ERN2: variants seen among roughly 807,000 people sequenced by gnomAD.
ERN2 encodes serine/threonine-protein kinase/endoribonuclease IRE2.
A neutral mutation model predicts 107.9 loss-of-function variants in ERN2; 111 were observed. The ratio of observed to expected loss-of-function variants is 1.03; its 90% CI spans 0.88 to 1.20. The LOEUF is 1.20. Among genes scored for constraint, ERN2 ranks in the 50% most tolerant of loss-of-function variants. The probability of loss-of-function intolerance (pLI) is 0.00; values close to 1 mark genes in which losing one functional copy is unlikely to be tolerated. For missense variants in ERN2, 1,225 were observed against 1,197.9 expected (o/e 1.02, Z -0.33); for synonymous variants, 524 against 501.7 (o/e 1.04, Z -0.59).
At chr16:23,706,155 G>T (rs533786105) in intron 7 of ERN2, 175 bp downstream of exon 7, 1 of 557,158 alleles carries the variant, frequency 1.8e-6, no homozygotes, top group Admixed American at 3.5e-5. Context: ...GGTCAGTCTG[G>T]GTGTTGAGGG....
intron 11 of ERN2, 78 bp from the exon 12 acceptor site, chr16:23,701,192 G>C: frequency 2.0e-6 from 3 of 1,488,292 alleles, no homozygotes; most frequent in Non-Finnish European, 1.8e-6. Context: ...ACCCAGCACA[G>C]AGCTGGGCTT....
Position 23,710,223 on chromosome 16 carries a change from T to C in ERN2, c.255A>G (p.Pro85=). Residue 85 remains proline, a synonymous_variant, in exon 4 of 22, where the codon CCA becomes CCG. Transcript: ENST00000256797. ...CCAAGATGTACAGGCTGCCATCTGCTGGGTCAGAGAGAAAGGCCATTCTGT... is the reference window on the plus strand; with the variant it reads ...CCAAGATGTACAGGCTGCCATCTGCCGGGTCAGAGAGAAAGGCCATTCTGT... ...YVTEMAFLSD[P]ADGSLYILGT... 2 of 1,614,032 alleles carry C rather than the reference T, an allele frequency of 1.2e-6. No homozygotes were observed. The highest frequency in any genetic ancestry group is 8.5e-7 in the Non-Finnish European group (1 of 1,179,884).
intron 1 of ERN2, among the ~76,000 whole-genome samples, chr16:23,711,469 A>G (rs1249933083): frequency 5.3e-5 from 8 of 152,078 alleles, no homozygotes; most frequent in Non-Finnish European, 7.4e-5. Flanking sequence ...TGATCCTCAC[A>G]CCTCAGCCTC....
chr16:23,694,099 G>A (rs971916884), intron 17 of ERN2, among the ~76,000 whole-genome samples: 1 of 152,074 alleles, frequency 6.6e-6, no homozygotes, highest in Admixed American at 6.6e-5. Context: ...AGGCTCAAGC[G>A]ATCCTCCCAC....
In ERN2 at chr16:23,692,299, G is replaced by A. The variant is rs201663878; in HGVS notation, c.2133C>T (p.Cys711=). The A allele has an allele frequency of 8.7e-6, 14 of 1,613,832 alleles. No homozygotes were observed. The South Asian group carries it at 8.8e-5, about 10-fold the overall frequency. ...TSAVDIFSAG[C]VFYYVLSGGS... The stretch of plus-strand genomic sequence containing the variant: ...CACCAGAAAGCACGTAGTAGAACAC[G>A]CAGCCTGCAGAGAAGATGTCCACAG... Residue 711 remains cysteine (C), a synonymous_variant, in exon 18 of 22, where the codon TGC becomes TGT. Coordinates refer to ENST00000256797, the MANE Select transcript of ERN2 (RefSeq NM_033266.4).
Position 23,694,773 on chromosome 16 carries a change from G to A in ERN2, c.2055C>T (p.Gly685=), listed in dbSNP as rs1234609494. ...GCTGCAGAAGCTCGGGCGCCATCCA[G>A]CCTTCCGTGCCGGGGATGCCGGAGT... ...SLHSGIPGTE[G]WMAPELLQLL... Residue 685 remains glycine, a synonymous_variant, in exon 17 of 22, where the codon GGC becomes GGT. Coordinates refer to ENST00000256797, the MANE Select transcript of ERN2 (RefSeq NM_033266.4). The A allele has an allele frequency of 2.5e-6, 4 of 1,612,242 alleles. No homozygotes were observed. Among genetic ancestry groups the A allele is most frequent in the African/African-American group, 1.3e-5 (1 of 74,934 alleles).
chr16:23,696,048 C>T, intron 13 of ERN2, 70 bp from the exon 14 acceptor site: 1 of 1,162,358 alleles, frequency 8.6e-7, no homozygotes, highest in Non-Finnish European at 1.3e-6. Context: ...CCAGTCCAGA[C>T]TCACCTTGAC....
At position 23,696,077 on chromosome 16, in the gene ERN2, C is replaced by T. The variant is rs988469338; in HGVS notation, c.1526-99G>A. 4.8e-6 allele frequency: 4 copies of T among 836,890 alleles called. No homozygotes were observed. In the African/African-American group the frequency reaches 6.7e-5, roughly 14 times the overall value. 51.8% of individuals were successfully genotyped at this position (836,890 alleles called of 1,614,324 possible). A position where few individuals can be genotyped will look rare whatever the true frequency, so the allele number is the denominator to read the frequency against. On this transcript the variant is annotated intron_variant, in intron 13 of 21. Transcript: ENST00000256797. Reference sequence around the variant, plus strand: ...CCTTGACATTTTCTGGGCCTCCACCCTCCCATGCTCAGCCTGGTGCAGTGG... The same window carrying T: ...CCTTGACATTTTCTGGGCCTCCACCTTCCCATGCTCAGCCTGGTGCAGTGG...
intron 1 of ERN2, among the ~76,000 whole-genome samples, chr16:23,711,264 T>TA (rs1960531696): frequency 6.6e-6 from 1 of 152,196 alleles, no homozygotes; most frequent in African/African-American, 2.4e-5. Context: ...CCCAATTACT[T>TA]ACCTCCTTCC....
chr16:23,693,417 C>A (rs1333303501), intron 17 of ERN2, among the ~76,000 whole-genome samples: 4 of 151,738 alleles, frequency 2.6e-5, no homozygotes, highest in Non-Finnish European at 4.4e-5. Context: ...GCATAAACCC[C>A]ATCTCTACTA....
At chr16:23,700,801 G>A (rs1960030547) in intron 12 of ERN2, 97 bp from the exon 13 acceptor site, 1 of 1,489,960 alleles carries the variant, frequency 6.7e-7, no homozygotes, top group African/African-American at 1.4e-5. Flanking sequence ...CAGACTGCAT[G>A]AACTTACAGA....
At chr16:23,708,599 C>G (rs997400036) in intron 4 of ERN2, among the ~76,000 whole-genome samples, 7 of 152,110 alleles carry the variant, frequency 4.6e-5, no homozygotes, top group Non-Finnish European at 8.8e-5. Context: ...CTCAGGTGAT[C>G]TGCCTACCTC....
chr16:23,711,035 A>G lies in ERN2; in HGVS notation c.94-17T>C. 1 of 1,584,992 alleles carries G rather than the reference A, an allele frequency of 6.3e-7. No individual in the cohort carries two copies. On this transcript the variant is annotated splice_polypyrimidine_tract_variant and intron_variant, in intron 1 of 21. Coordinates refer to ENST00000256797, the MANE Select transcript of ERN2 (RefSeq NM_033266.4). ...AGTATGAACCTGCAAGGGGGTAGAG[A>G]CAAAGTCAGCTCTCTGAGGGGTCTG...
In ERN2 at chr16:23,702,227, G is replaced by T. The variant is rs1383015238; in HGVS notation, c.1128C>A (p.Val376=). 1 of 1,614,054 alleles carries T rather than the reference G, an allele frequency of 6.2e-7. No individual in the cohort carries two copies. The highest frequency in any genetic ancestry group is 8.5e-7 in the Non-Finnish European group (1 of 1,180,020). The change falls in exon 11 of 22, where the codon GTC becomes GTA. Residue 376 remains valine, a synonymous_variant. Coordinates refer to ENST00000256797, the MANE Select transcript of ERN2 (RefSeq NM_033266.4). ...CAGTTCCACTCCCCAGGGTGGGATG[G>T]ACCCTCAGCATGGTGGTGTGCAGGA... ...PPVLHTTMLR[V]HPTLGSGTAE... is the part of the protein sequence containing the mutation.
In ERN2 at chr16:23,690,445, A is replaced by G. The variant is rs1959536726; in HGVS notation, c.*386T>C. The G allele has an allele frequency of 2.2e-6, 1 of 452,486 alleles. No homozygotes were observed. Among genetic ancestry groups the G allele is most frequent in the Non-Finnish European group, 4.1e-6 (1 of 246,530 alleles). 28.0% of individuals were successfully genotyped at this position (452,486 alleles called of 1,614,324 possible). On this transcript the variant is annotated 3_prime_UTR_variant, in exon 22 of 22. Transcript: ENST00000256797. ...CTGCTTCATCAGCCCCAGGCTGCCC[A>G]GCCTCTGCCAGTCTTGTGGGGGAAA...
At chr16:23,698,503 G>A (rs546560744) in intron 13 of ERN2, among the ~76,000 whole-genome samples, 2 of 152,342 alleles carry the variant, frequency 1.3e-5, no homozygotes, top group African/African-American at 4.8e-5. Flanking sequence ...AATACATGAT[G>A]CAGCCAGAGG....
At chr16:23,691,484 G>T in intron 19 of ERN2, 59 bp from the exon 20 acceptor site, 3 of 1,570,334 alleles carry the variant, frequency 1.9e-6, no homozygotes, top group Non-Finnish European at 2.6e-6. Flanking sequence ...ATAGCCAGGA[G>T]TGTGTTGTCT....
At position 23,695,088 on chromosome 16, in the gene ERN2, C is replaced by T. The variant is rs1261980339; in HGVS notation, c.1831G>A (p.Gly611Ser). ...YVENPDLDRG[G>S]LEPEVVLQQL... ...TGCAGCACGACCTCGGGCTCCAGAC[C>T]CCCGCGATCCAGGTCCGGGTTTTCT... The change falls in exon 16 of 22, where the codon GGT becomes AGT. Residue 611 changes from glycine (G) to serine (S), a missense_variant. Coordinates refer to ENST00000256797, the MANE Select transcript of ERN2 (RefSeq NM_033266.4). The T allele has an allele frequency of 1.9e-6, 3 of 1,613,774 alleles. No individual in the cohort carries two copies. The highest frequency in any genetic ancestry group is 1.3e-5 in the African/African-American group (1 of 74,876).
chr16:23,699,744 A>C (rs1474194753), intron 13 of ERN2, among the ~76,000 whole-genome samples: 1 of 152,186 alleles, frequency 6.6e-6, no homozygotes, highest in East Asian at 1.9e-4. Flanking sequence ...TAGTCTTTAG[A>C]AGACTAAATT....
Sources: gnomAD v4.1 joint callset for allele counts (sites outside exome capture counted in the v4.1 genomes callset) on GRCh38, gnomAD v4.1.1 for gene constraint, MANE v1.5 for transcripts, NCBI Gene and HGNC (gene_info 2026-07-23, HGNC 2026-07-21) for gene names.